Variants in SYT17 observed in about 807,000 individuals in gnomAD.
SYT17 encodes synaptotagmin-17.
SYT17 carries 22 observed loss-of-function variants against 46.7 expected under a neutral mutation model. That is an observed-to-expected ratio of 0.47 (90% confidence interval 0.34 to 0.67). SYT17 has a LOEUF of 0.67. Ranked by LOEUF, SYT17 falls within the 30% of genes least tolerant of loss-of-function variation. SYT17 has a pLI of 0.01. For missense variants in SYT17, 519 were observed against 612.8 expected, an observed-to-expected ratio of 0.85 and a Z score of 1.62; for synonymous variants, 251 against 248.4, an observed-to-expected ratio of 1.01 and a Z score of -0.10.
In SYT17 at chr16:19,172,565, A is replaced by C; in HGVS notation, c.16-195A>C. On this transcript the variant is annotated intron_variant, in intron 1 of 7. Transcript: ENST00000355377. Reference sequence around the variant, plus strand: ...CAGGAGGCTACCAGCAGCCCTGAAAATAGCAACACCTTGTTAGGATGTTAG... The same window carrying C: ...CAGGAGGCTACCAGCAGCCCTGAAACTAGCAACACCTTGTTAGGATGTTAG... 2.6e-6 allele frequency: 4 copies of C among 1,512,930 alleles called. No individual in the cohort carries two copies. In the Middle Eastern group the frequency reaches 6.9e-4, roughly 260 times the overall value. The allele number at this position is 1,512,930 out of a possible 1,614,324, so 93.7% of individuals were successfully genotyped here.
intron 5 of SYT17, among the ~76,000 whole-genome samples, chr16:19,200,626 C>A (rs565406203): frequency 6.6e-6 from 1 of 152,182 alleles, no homozygotes; most frequent in East Asian, 1.9e-4. Context: ...TCTCTCCATT[C>A]GAGTTTTATT....
chr16:19,245,027 A>G (rs1967432596), intron 7 of SYT17, among the ~76,000 whole-genome samples: 1 of 152,146 alleles, frequency 6.6e-6, no homozygotes, highest in Non-Finnish European at 1.5e-5. Flanking sequence ...TGCCTTCAAC[A>G]TGCTTGCTCC....
Position 19,211,292 on chromosome 16 carries a change from AG to A in SYT17, c.952-11748del, listed in dbSNP as rs113001440. The stretch of plus-strand genomic sequence containing the variant: ...CGATTCTGTGGGGGTTGGATAGGAC[AG>A]GGGGTGGAACATCGTGCTGACAACC... On this transcript the variant is annotated intron_variant, in intron 5 of 7. Coordinates refer to ENST00000355377, the MANE Select transcript of SYT17 (RefSeq NM_016524.4). 5.6e-5 allele frequency: 36 copies of A among 638,528 alleles called. 2 individuals are homozygous for A. Among genetic ancestry groups the A allele is most frequent in the Middle Eastern group, 6.0e-4 (2 of 3,358 alleles). The allele number at this position is 638,528 out of a possible 1,614,324, so 39.6% of individuals were successfully genotyped here.
At chr16:19,176,077 A>C (rs1197070216) in intron 3 of SYT17, among the ~76,000 whole-genome samples, 1 of 152,168 alleles carries the variant, frequency 6.6e-6, no homozygotes, top group African/African-American at 2.4e-5. Flanking sequence ...TTATGAAAGA[A>C]TCAGGAATGA....
Position 19,198,476 on chromosome 16 carries a change from G to T in SYT17, c.951+14329G>T, listed in dbSNP as rs1399763872. On this transcript the variant is annotated intron_variant, in intron 5 of 7. Coordinates refer to ENST00000355377, the MANE Select transcript of SYT17 (RefSeq NM_016524.4). The stretch of plus-strand genomic sequence containing the variant: ...ATGTCATTGATAATAATCATTGCTA[G>T]CTCTCCCTGAGTACTTACCATGGAT... 2.6e-5 allele frequency among the ~76,000 whole-genome samples: 4 copies of T among 152,180 alleles called. No individual in the cohort carries two copies. In the South Asian group the frequency reaches 8.3e-4, roughly 31 times the overall value.
intron 7 of SYT17, among the ~76,000 whole-genome samples, chr16:19,243,333 A>G (rs1403752828): frequency 2.0e-5 from 3 of 152,144 alleles, no homozygotes; most frequent in African/African-American, 4.8e-5. Context: ...TGATGTGGCA[A>G]GCAAAATTCC....
intron 5 of SYT17, among the ~76,000 whole-genome samples, chr16:19,196,924 C>T (rs746681795): frequency 6.6e-5 from 10 of 152,126 alleles, no homozygotes; most frequent in Non-Finnish European, 1.3e-4. Context: ...GGACCCGGTA[C>T]TTGGAAACTG....
intron 7 of SYT17, among the ~76,000 whole-genome samples, chr16:19,233,523 G>A (rs1966780535): frequency 2.0e-5 from 3 of 152,062 alleles, no homozygotes; most frequent in Non-Finnish European, 4.4e-5. Flanking sequence ...GGGCATGGTG[G>A]TGCATGTCTG....
chr16:19,226,461 T>C (rs1396773911), intron 7 of SYT17, among the ~76,000 whole-genome samples: 1 of 152,122 alleles, frequency 6.6e-6, no homozygotes, highest in African/African-American at 2.4e-5. Flanking sequence ...CTCACCAAGA[T>C]TGCAAATGTC....
chr16:19,267,214 G>A lies in SYT17; in HGVS notation c.*138G>A. On this transcript the variant is annotated 3_prime_UTR_variant, in exon 8 of 8. Coordinates refer to ENST00000355377, the MANE Select transcript of SYT17 (RefSeq NM_016524.4). ...ACACGTCCACACACACAGACACACA[G>A]ATACCCCAAATCCTCTCAGAACTGA... 2.6e-6 allele frequency: 2 copies of A among 763,254 alleles called. No individual in the cohort carries two copies. Among genetic ancestry groups the A allele is most frequent in the Non-Finnish European group, 4.0e-6 (2 of 498,852 alleles). 47.3% of individuals were successfully genotyped at this position (763,254 alleles called of 1,614,324 possible). A position where few individuals can be genotyped will look rare whatever the true frequency, so the allele number is the denominator to read the frequency against.
At chr16:19,237,646 A>T (rs1966867021) in intron 7 of SYT17, among the ~76,000 whole-genome samples, 1 of 152,252 alleles carries the variant, frequency 6.6e-6, no homozygotes, top group Non-Finnish European at 1.5e-5. Flanking sequence ...GCTACTCAGC[A>T]CACTGCCTAT....
rs1963959303 is a variant in SYT17, at chr16:19,168,660, A to T, written c.14A>T (p.Gln5Leu). The T allele has an allele frequency of 1.3e-6, 2 of 1,530,446 alleles. No homozygotes were observed. Among genetic ancestry groups the T allele is most frequent in the Non-Finnish European group, 8.8e-7 (1 of 1,136,690 alleles). 94.8% of individuals were successfully genotyped at this position (1,530,446 alleles called of 1,614,324 possible). A position where few individuals can be genotyped will look rare whatever the true frequency, so the allele number is the denominator to read the frequency against. The change falls in exon 1 of 8, where the codon CAG becomes CTG. Residue 5 changes from glutamine to leucine, a missense_variant and splice_region_variant. By Grantham distance (113) the Gln-to-Leu change is moderately radical. Transcript: ENST00000355377. This position sits in a 1 kb window ranked among gnomAD's most constrained non-coding sequence, Gnocchi z 6.9. MAYI[Q>L]LEPLNEGFLS... ...GCGCGGGCGAAAATGGCGTACATCCAGGTAGGGCTGAGGCTGGGGGCAAGG... is the reference window on the plus strand; with the variant it reads ...GCGCGGGCGAAAATGGCGTACATCCTGGTAGGGCTGAGGCTGGGGGCAAGG...
At position 19,224,703 on chromosome 16, in the gene SYT17, C is replaced by G; in HGVS notation, c.1093C>G (p.Leu365Val). Reference sequence around the variant, plus strand: ...TTCAGACCCCTTTGTGAAAATCCAGCTGGTGCATGGACTCAAACTTGTGAA... The same window carrying G: ...TTCAGACCCCTTTGTGAAAATCCAGGTGGTGCATGGACTCAAACTTGTGAA... ...QGSDPFVKIQ[L>V]VHGLKLVKTK... The change falls in exon 7 of 8, where the codon CTG (leucine) becomes GTG (valine). Residue 365 changes from leucine to valine, a missense_variant. By Grantham distance (32) the Leu-to-Val change is conservative. Coordinates refer to ENST00000355377, the MANE Select transcript of SYT17 (RefSeq NM_016524.4). 1 of 1,614,024 alleles carries G rather than the reference C, an allele frequency of 6.2e-7. No individual in the cohort carries two copies. Among genetic ancestry groups the G allele is most frequent in the Non-Finnish European group, 8.5e-7 (1 of 1,179,932 alleles).
At position 19,168,436 on chromosome 16, in the gene SYT17, G is replaced by T. The variant is rs1003116704; in HGVS notation, c.-211G>T. ...ATCTCCGAACCGGGGAGGCGGCCCCGATTCCGAGAGCCGGAACGCAGGGAA... is the reference window on the plus strand; with the variant it reads ...ATCTCCGAACCGGGGAGGCGGCCCCTATTCCGAGAGCCGGAACGCAGGGAA... On this transcript the variant is annotated 5_prime_UTR_variant, in exon 1 of 8. Transcript: ENST00000355377. This position sits in a 1 kb window ranked among gnomAD's most constrained non-coding sequence, Gnocchi z 6.9. The T allele has an allele frequency of 2.0e-5, 13 of 641,484 alleles. No individual in the cohort carries two copies. The highest frequency in any genetic ancestry group is 3.4e-5 in the Non-Finnish European group (13 of 387,152). The allele number at this position is 641,484 out of a possible 1,614,324, so 39.7% of individuals were successfully genotyped here.
intron 5 of SYT17, among the ~76,000 whole-genome samples, chr16:19,199,613 A>G (rs1162629145): frequency 1.3e-5 from 2 of 152,110 alleles, no homozygotes; most frequent in African/African-American, 2.4e-5. Flanking sequence ...GTGCACACCT[A>G]TAGTCCTAGT....
chr16:19,188,243 CA>C (rs780832011), intron 5 of SYT17, among the ~76,000 whole-genome samples: 3 of 151,988 alleles, frequency 2.0e-5, no homozygotes, highest in Non-Finnish European at 2.9e-5. Context: ...AATGGAAAAC[CA>C]AATACTCCGT....
chr16:19,223,308 C>G (rs111713104), intron 6 of SYT17, 143 bp downstream of exon 6: 35 of 1,077,926 alleles, frequency 3.2e-5, no homozygotes, highest in Non-Finnish European at 4.6e-5. Context: ...CTTAGTAACC[C>G]TATTGGAATT....
intron 7 of SYT17, among the ~76,000 whole-genome samples, chr16:19,260,679 A>G (rs1968913639): frequency 6.6e-6 from 1 of 152,162 alleles, no homozygotes; most frequent in Non-Finnish European, 1.5e-5. Flanking sequence ...GGGCCCATTC[A>G]GATGGTTAGG....
At chr16:19,222,453 T>C (rs1368444065) in intron 5 of SYT17, among the ~76,000 whole-genome samples, 2 of 152,200 alleles carry the variant, frequency 1.3e-5, no homozygotes, top group African/African-American at 4.8e-5. Flanking sequence ...GGGATGTCAC[T>C]GTGCCGAGTG....
Sources: allele counts gnomAD v4.1 joint callset (sites outside exome capture counted in the v4.1 genomes callset), GRCh38; gene constraint gnomAD v4.1.1; non-coding constraint Gnocchi (gnomAD v3.1); transcripts MANE v1.5; gene names NCBI Gene and HGNC (gene_info 2026-07-23, HGNC 2026-07-21).